The following HEATR5A variants were observed in gnomAD, a reference collection of about 807,000 sequenced individuals.
The protein encoded by HEATR5A is HEAT repeat containing 5A, also known as HEAT repeat-containing protein 5A.
In HEATR5A, 178 loss-of-function variants were observed where a neutral mutation model predicts 218.8. The observed-to-expected ratio is 0.81, with a 90% CI of 0.72 to 0.92. The LOEUF is 0.92. Ranked by LOEUF, HEATR5A falls within the 40% of genes least tolerant of loss-of-function variation. The probability of loss-of-function intolerance (pLI) is 0.00; values close to 1 mark genes in which losing one functional copy is unlikely to be tolerated. For missense variants in HEATR5A, 2,420 were observed against 2,418.9 expected (o/e 1.00, Z -0.01); for synonymous variants, 864 against 871.6 (o/e 0.99, Z 0.15).
rs750088633 is a variant in HEATR5A, at chr14:31,398,792, AT to A, written c.339-12del. On this transcript the variant is annotated splice_polypyrimidine_tract_variant and intron_variant, in intron 3 of 35. Coordinates refer to ENST00000543095, the MANE Select transcript of HEATR5A (RefSeq NM_015473.4). Reference sequence around the variant, plus strand: ...CATACCACAGCAGCACTGAAACAACATTTAAATTAGAAATTAGTCACAGCTG... The same window carrying A: ...CATACCACAGCAGCACTGAAACAACATTAAATTAGAAATTAGTCACAGCTG... The A allele has an allele frequency of 3.6e-5, 51 of 1,435,902 alleles. No individual in the cohort carries two copies. In the South Asian group the frequency reaches 5.8e-4, roughly 16 times the overall value. 88.9% of individuals were successfully genotyped at this position (1,435,902 alleles called of 1,614,324 possible). A position where few individuals can be genotyped will look rare whatever the true frequency, so the allele number is the denominator to read the frequency against.
chr14:31,340,529 T>C (rs1900806547), intron 21 of HEATR5A: 3 of 1,144,776 alleles, frequency 2.6e-6, no homozygotes, highest in African/African-American at 1.6e-5. Context: ...AGATAAATAT[T>C]AGGATGACTT....
chr14:31,344,999 C>T, intron 20 of HEATR5A, 88 bp downstream of exon 20: 1 of 1,061,744 alleles, frequency 9.4e-7, no homozygotes, highest in Non-Finnish European at 1.4e-6. Context: ...CAGCACCTAT[C>T]ACGTGCCAAG....
chr14:31,303,791 G>A (rs1899466417), intron 32 of HEATR5A, among the ~76,000 whole-genome samples: 1 of 152,162 alleles, frequency 6.6e-6, no homozygotes, highest in South Asian at 2.1e-4. Flanking sequence ...ATCAAGTAAC[G>A]ACACGATAGC....
rs1230690565 is a variant in HEATR5A at position 31,321,572 on chromosome 14, A to G, written c.3896T>C (p.Val1299Ala). The change falls in exon 25 of 36, where the codon GTT becomes GCT. Residue 1299 changes from valine (V) to alanine (A), a missense_variant. Physicochemically the swap from Val to Ala is moderately conservative, Grantham distance 64. Coordinates refer to ENST00000543095, the MANE Select transcript of HEATR5A (RefSeq NM_015473.4). ...RLSGLEMLLV[V>A]IRRFATVPEP... ...TGGAACAGTTGCAAATCGCCGAATA[A>G]CAACTAACAGCATTTCAAGGCCAGA... The G allele has an allele frequency of 6.2e-7, 1 of 1,608,196 alleles. No individual in the cohort carries two copies. The highest frequency in any genetic ancestry group is 1.3e-5 in the African/African-American group (1 of 74,854).
At chr14:31,415,040 A>G (rs1156436718) in intron 1 of HEATR5A, among the ~76,000 whole-genome samples, 1 of 152,134 alleles carries the variant, frequency 6.6e-6, no homozygotes, top group African/African-American at 2.4e-5. Context: ...GGGTTTCACC[A>G]TGTTGGTCAG....
intron 29 of HEATR5A, 45 bp from the exon 30 acceptor site, chr14:31,308,065 A>G: frequency 6.6e-7 from 1 of 1,521,912 alleles, no homozygotes; most frequent in Non-Finnish European, 8.8e-7. Flanking sequence ...TCAAATTATT[A>G]GTTTATGAAA....
rs1266822171 is a variant in HEATR5A at position 31,321,676 on chromosome 14, G to T, written c.3792C>A (p.Asp1264Glu). The T allele has an allele frequency of 6.3e-7, 1 of 1,578,862 alleles. No individual in the cohort carries two copies. The highest frequency in any genetic ancestry group is 1.9e-5 in the Admixed American group (1 of 53,108). ...QEMKKRDSRN[D>E]FLVLHLADLI... ...AGTCAGCAAGATGCAGTACCAAAAA[G>T]TCATCTATAAGATTAAAAAACATAT... The change falls in exon 25 of 36, where the codon GAC (aspartate) becomes GAA (glutamate). Residue 1264 changes from aspartate (D) to glutamate (E), a missense_variant. Physicochemically the swap from Asp to Glu is conservative, Grantham distance 45 (BLOSUM62 2). Coordinates refer to ENST00000543095, the MANE Select transcript of HEATR5A (RefSeq NM_015473.4).
intron 10 of HEATR5A, among the ~76,000 whole-genome samples, 167 bp from the exon 11 acceptor site, chr14:31,380,745 T>C (rs1011580279): frequency 6.6e-6 from 1 of 152,186 alleles, no homozygotes; most frequent in African/African-American, 2.4e-5. Context: ...TAAAGGAAAC[T>C]ATAAAAAATT....
chr14:31,395,180 G>C lies in HEATR5A; in HGVS notation c.597+19C>G. On this transcript the variant is annotated intron_variant, in intron 5 of 35. Transcript: ENST00000543095. Reference sequence around the variant, plus strand: ...TTCTTTATATTAATTTTTAAAGTCTGCTTATTAGATCATTTTACCTTTGCA... The same window carrying C: ...TTCTTTATATTAATTTTTAAAGTCTCCTTATTAGATCATTTTACCTTTGCA... 6.8e-7 allele frequency: 1 copy of C among 1,465,494 alleles called. No individual in the cohort carries two copies. Among genetic ancestry groups the C allele is most frequent in the Non-Finnish European group, 9.1e-7 (1 of 1,104,634 alleles). 90.8% of individuals were successfully genotyped at this position (1,465,494 alleles called of 1,614,324 possible). A position where few individuals can be genotyped will look rare whatever the true frequency, so the allele number is the denominator to read the frequency against.
At chr14:31,418,359 C>T (rs1159834476) in intron 1 of HEATR5A, among the ~76,000 whole-genome samples, 1 of 152,202 alleles carries the variant, frequency 6.6e-6, no homozygotes, top group Non-Finnish European at 1.5e-5. Context: ...ATACTCTAGG[C>T]TTTGGGAGCC....
chr14:31,303,805 G>C (rs556433158), intron 32 of HEATR5A, among the ~76,000 whole-genome samples: 1 of 152,288 alleles, frequency 6.6e-6, no homozygotes, highest in Admixed American at 6.5e-5. Context: ...CGATAGCACA[G>C]AACAAGGATG....
rs1019975940 is a variant in HEATR5A at position 31,347,671 on chromosome 14, T to C, written c.2868+77A>G. 3 of 1,049,884 alleles carry C rather than the reference T, an allele frequency of 2.9e-6. No homozygotes were observed. The African/African-American group carries it at 4.9e-5, about 17-fold the overall frequency. 65.0% of individuals were successfully genotyped at this position (1,049,884 alleles called of 1,614,324 possible). On this transcript the variant is annotated intron_variant, in intron 19 of 35. Coordinates refer to ENST00000543095, the MANE Select transcript of HEATR5A (RefSeq NM_015473.4). ...GGGAGGAAACTATATTCATAAATTA[T>C]TAATGTTCAATATAAACACAATCTG...
intron 1 of HEATR5A, 28 bp from the exon 2 acceptor site, chr14:31,403,077 A>G: frequency 9.6e-7 from 1 of 1,046,880 alleles, no homozygotes; most frequent in African/African-American, 1.6e-5. Context: ...AATGTATTTT[A>G]AAAGGGGGGT....
In HEATR5A at chr14:31,326,332, G is replaced by A; in HGVS notation, c.3378C>T (p.Ile1126=). Residue 1126 remains isoleucine (I), a synonymous_variant, in exon 23 of 36, where the codon ATC becomes ATT. Transcript: ENST00000543095. ...SREELTPDAN[I]REVGLEGALL... ...ATGCCCCCTCAAGGCCAACTTCTCT[G>A]ATGTTAGCATCTGACAAGAAGAAAA... 1 of 1,609,968 alleles carries A rather than the reference G, an allele frequency of 6.2e-7. No individual in the cohort carries two copies. Among genetic ancestry groups the A allele is most frequent in the South Asian group, 1.1e-5 (1 of 90,034 alleles).
chr14:31,334,771 C>T (rs965652079), intron 22 of HEATR5A, among the ~76,000 whole-genome samples: 1 of 151,952 alleles, frequency 6.6e-6, no homozygotes, highest in East Asian at 1.9e-4. Context: ...ATGGTGAAAC[C>T]CTGTCTCTAC....
rs1275893588 is a variant in HEATR5A at position 31,293,967 on chromosome 14, G to C, written c.5757C>G (p.Asn1919Lys). Residue 1919 changes from asparagine (N) to lysine (K), a missense_variant, in exon 35 of 36, where the codon AAC (asparagine) becomes AAG (lysine). Transcript: ENST00000543095. ...LQEIDKRKPE[N>K]TAELEIFQEG... ...CTTGGAAGATCTCAAGCTCAGCAGT[G>C]TTTTCAGGTTTTCTCTTGTCTATTT... 8.1e-6 allele frequency: 13 copies of C among 1,607,050 alleles called. No individual in the cohort carries two copies. The highest frequency in any genetic ancestry group is 9.3e-6 in the Non-Finnish European group (11 of 1,176,532).
At chr14:31,303,613 G>A (rs1182108893) in intron 32 of HEATR5A, among the ~76,000 whole-genome samples, 1 of 152,138 alleles carries the variant, frequency 6.6e-6, no homozygotes, top group South Asian at 2.1e-4. Flanking sequence ...TAATGCCTCT[G>A]TAGGACAGAT....
chr14:31,358,738 C>A lies in HEATR5A; in HGVS notation c.2310G>T (p.Glu770Asp), dbSNP rs371688304. The change falls in exon 16 of 36, where the codon GAG (glutamate) becomes GAT (aspartate). Residue 770 changes from glutamate to aspartate, a missense_variant. Glu to Asp is a conservative substitution (Grantham distance 45). Coordinates refer to ENST00000543095, the MANE Select transcript of HEATR5A (RefSeq NM_015473.4). ...GTAAGGGCTTAGGCACTGAATCTCCCTCTACATCTTTCTCATAAATCGAAT... is the reference window on the plus strand; with the variant it reads ...GTAAGGGCTTAGGCACTGAATCTCCATCTACATCTTTCTCATAAATCGAAT... ...DPYSIYEKDV[E>D]GDSVPKPLPP... The A allele has an allele frequency of 5.0e-6, 8 of 1,613,770 alleles. No homozygotes were observed. In the African/African-American group the frequency reaches 1.1e-4, roughly 22 times the overall value.
At position 31,400,685 on chromosome 14, in the gene HEATR5A, T is replaced by A. The variant is rs530542794; in HGVS notation, c.127-173A>T. On this transcript the variant is annotated intron_variant, in intron 2 of 35. Coordinates refer to ENST00000543095, the MANE Select transcript of HEATR5A (RefSeq NM_015473.4). ...TAGTGTGGTCATTATGCCAGACTAA[T>A]CAGGTAGTTTGCTGCCCTGCTAATA... is the stretch of plus-strand genomic sequence containing the variant. 4.6e-5 allele frequency among the ~76,000 whole-genome samples: 7 copies of A among 151,972 alleles called. No homozygotes were observed. The East Asian group carries it at 1.3e-3, about 29-fold the overall frequency.
Sources: allele counts gnomAD v4.1 joint callset (sites outside exome capture counted in the v4.1 genomes callset), GRCh38; gene constraint gnomAD v4.1.1; transcripts MANE v1.5; gene names NCBI Gene and HGNC (gene_info 2026-07-23, HGNC 2026-07-21).